Variants in ESR1 observed in about 807,000 individuals in gnomAD.
ESR1 encodes estrogen receptor 1.
A neutral mutation model predicts 52.7 loss-of-function variants in ESR1; 12 were observed. That is an observed-to-expected ratio of 0.23 (90% CI 0.15 to 0.37). The LOEUF (loss-of-function observed/expected upper bound fraction) is 0.37. Among genes scored for constraint, ESR1 ranks in the 10% least tolerant of loss-of-function variants. The probability of loss-of-function intolerance (pLI) is 1.00; values close to 1 mark genes in which losing one functional copy is unlikely to be tolerated. For synonymous variants in ESR1, 305 were observed against 316.8 expected (o/e 0.96, Z 0.39); for missense variants, 584 against 779.7 (o/e 0.75, Z 2.99).
At chr6:151,692,853 G>A (rs886999344) in intron 1 of ESR1, among the ~76,000 whole-genome samples, 3 of 152,128 alleles carry the variant, frequency 2.0e-5, no homozygotes, top group Non-Finnish European at 4.4e-5. Flanking sequence ...TGATTCTTTC[G>A]GAGAATGAAG....
At chr6:151,848,560 G>T (rs1369854565) in intron 2 of ESR1, among the ~76,000 whole-genome samples, 2 of 151,908 alleles carry the variant, frequency 1.3e-5, no homozygotes, top group African/African-American at 4.8e-5. Context: ...AAAGTGGATT[G>T]GTTCTTACAT....
intron 2 of ESR1, among the ~76,000 whole-genome samples, chr6:151,850,028 TTA>T (rs528956459): frequency 0.051 from 5,692 of 112,220 alleles, 486 homozygotes; most frequent in East Asian, 0.21. Flanking sequence ...ATATACAAAA[TTA>T]TATATATATA....
chr6:152,078,204 G>C (rs143370465), intron 6 of ESR1, among the ~76,000 whole-genome samples: 4 of 152,254 alleles, frequency 2.6e-5, no homozygotes, highest in Non-Finnish European at 4.4e-5. Flanking sequence ...TTTTATCAGG[G>C]TTTCCGCTTT....
At chr6:151,693,398 T>C (rs991123517) in intron 1 of ESR1, among the ~76,000 whole-genome samples, 5 of 152,104 alleles carry the variant, frequency 3.3e-5, no homozygotes, top group Admixed American at 2.6e-4. Context: ...GCTTCTGTAA[T>C]GAGTATAAAG....
At chr6:151,850,103 T>C (rs371251793) in intron 2 of ESR1, among the ~76,000 whole-genome samples, 517 of 3,900 alleles carry the variant, frequency 0.13, 89 homozygotes, top group African/African-American at 0.18. Context: ...ATTTTATATA[T>C]ATATACAAAA....
At chr6:151,938,092 C>A (rs544904526) in intron 3 of ESR1, among the ~76,000 whole-genome samples, 2 of 152,172 alleles carry the variant, frequency 1.3e-5, no homozygotes, top group East Asian at 3.9e-4. Context: ...CCTTTTAATA[C>A]CCCATGAATT....
At chr6:151,799,695 G>A (rs1167473001), upstream of ESR1, among the ~76,000 whole-genome samples, 2 of 152,224 alleles carry the variant, frequency 1.3e-5, no homozygotes, top group Non-Finnish European at 1.5e-5. Context: ...TAATGAGAAT[G>A]TTTAGGGAGA....
chr6:152,026,949 C>T (rs2044193428), intron 5 of ESR1, among the ~76,000 whole-genome samples: 1 of 150,438 alleles, frequency 6.6e-6, no homozygotes, highest in African/African-American at 2.5e-5. Flanking sequence ...CTAATAATAA[C>T]TTCCATGGCT....
chr6:151,824,390 AG>A (rs1362995619), intron 1 of ESR1, among the ~76,000 whole-genome samples: 1 of 152,134 alleles, frequency 6.6e-6, no homozygotes, highest in African/African-American at 2.4e-5. Flanking sequence ...TCAGATGAGT[AG>A]ATTGCAAAAA....
chr6:151,947,729 C>G (rs1257249998), intron 4 of ESR1, among the ~76,000 whole-genome samples: 1 of 152,122 alleles, frequency 6.6e-6, no homozygotes, highest in African/African-American at 2.4e-5. Flanking sequence ...GTGTGAGAGT[C>G]AAGTTCCAAT....
intron 2 of ESR1, among the ~76,000 whole-genome samples, chr6:151,730,617 A>C (rs1398381944): frequency 6.6e-6 from 1 of 152,136 alleles, no homozygotes; most frequent in Non-Finnish European, 1.5e-5. Flanking sequence ...TTAACACATA[A>C]ATATGTGTCT....
rs1562787607 is a variant in ESR1 at position 152,099,221 on chromosome 6, G to A, written c.*255G>A. 1.9e-6 allele frequency: 1 copy of A among 540,060 alleles called. No homozygotes were observed. Among genetic ancestry groups the A allele is most frequent in the Non-Finnish European group, 3.4e-6 (1 of 296,848 alleles). 33.5% of individuals were successfully genotyped at this position (540,060 alleles called of 1,614,324 possible). ...TCTTTCCCCCTTGCTATGTTACTAA[G>A]CGTGAGGATTCCCGTAGCTCTTCAC... On this transcript the variant is annotated 3_prime_UTR_variant, in exon 8 of 8. Transcript: ENST00000206249.
At chr6:152,107,338 T>C (rs1202608068), downstream of ESR1, among the ~76,000 whole-genome samples, 2 of 152,232 alleles carry the variant, frequency 1.3e-5, no homozygotes, top group Non-Finnish European at 1.5e-5. Flanking sequence ...TATTCATTTA[T>C]CTTCCAGGGG....
chr6:151,842,296 C>T (rs187865898), intron 1 of ESR1, among the ~76,000 whole-genome samples: 1 of 152,174 alleles, frequency 6.6e-6, no homozygotes, highest in African/African-American at 2.4e-5. Flanking sequence ...ATTGTATATT[C>T]CTGCAAAAAC....
At chr6:151,713,183 G>A (rs1404651264) in intron 2 of ESR1, among the ~76,000 whole-genome samples, 1 of 152,186 alleles carries the variant, frequency 6.6e-6, no homozygotes, top group Non-Finnish European at 1.5e-5. Flanking sequence ...TCCCAGGGAT[G>A]AAGCTGACTT....
At chr6:151,787,996 C>T (rs998621364) in intron 2 of ESR1, among the ~76,000 whole-genome samples, 7 of 152,132 alleles carry the variant, frequency 4.6e-5, no homozygotes, top group African/African-American at 1.4e-4. Context: ...AAGCCCAAAA[C>T]TCTAAGAACC....
chr6:151,871,129 G>C (rs1357786241), intron 2 of ESR1, among the ~76,000 whole-genome samples: 1 of 151,778 alleles, frequency 6.6e-6, no homozygotes, highest in Non-Finnish European at 1.5e-5. Flanking sequence ...TGGAAAACAG[G>C]CCTCCACACC....
At chr6:151,750,305 G>A (rs1783806488) in intron 2 of ESR1, among the ~76,000 whole-genome samples, 1 of 152,106 alleles carries the variant, frequency 6.6e-6, no homozygotes, top group African/African-American at 2.4e-5. Context: ...TTGTGTTACT[G>A]TCCCTGATAA....
chr6:151,703,467 A>G (rs763804302), intron 2 of ESR1, among the ~76,000 whole-genome samples: 2 of 152,058 alleles, frequency 1.3e-5, no homozygotes, highest in Non-Finnish European at 2.9e-5. Flanking sequence ...TCTAGTTCTA[A>G]TCTCTCTGCT....
Sources: allele counts gnomAD v4.1 joint callset (sites outside exome capture counted in the v4.1 genomes callset), GRCh38; gene constraint gnomAD v4.1.1; transcripts MANE v1.5; gene names NCBI Gene and HGNC (gene_info 2026-07-23, HGNC 2026-07-21).